The following ZNRF1 variants were observed in gnomAD, a reference collection of about 807,000 sequenced individuals.
The protein encoded by ZNRF1 is E3 ubiquitin-protein ligase ZNRF1.
A neutral mutation model predicts 18.4 loss-of-function variants in ZNRF1; 3 were observed. The ratio of observed to expected loss-of-function variants is 0.16; its 90% CI spans 0.07 to 0.42. ZNRF1 has a LOEUF of 0.42. ZNRF1 is among the 10% of genes least tolerant of loss of function. ZNRF1 has a pLI of 0.99. For synonymous variants in ZNRF1, 157 were observed against 144.2 expected (o/e 1.09, Z -0.64); for missense variants, 310 against 329.8 (o/e 0.94, Z 0.47).
At chr16:75,080,958 G>T (rs138045182) in intron 1 of ZNRF1, among the ~76,000 whole-genome samples, 446 of 152,262 alleles carry the variant, frequency 2.9e-3, no homozygotes, top group African/African-American at 0.01. Context: ...CGGATCACCA[G>T]GTCAGGAGTT....
At chr16:75,012,681 T>G (rs926172722) in intron 1 of ZNRF1, among the ~76,000 whole-genome samples, 3 of 152,220 alleles carry the variant, frequency 2.0e-5, no homozygotes, top group African/African-American at 7.2e-5. Flanking sequence ...CTTAAACTTT[T>G]CTGCCAACCT....
At chr16:75,057,158 T>C (rs910466405) in intron 1 of ZNRF1, among the ~76,000 whole-genome samples, 1 of 152,182 alleles carries the variant, frequency 6.6e-6, no homozygotes, top group Non-Finnish European at 1.5e-5. Context: ...TACCGGGGCA[T>C]CTTGGAATAC....
At chr16:75,013,380 C>G (rs1014483685) in intron 1 of ZNRF1, among the ~76,000 whole-genome samples, 1 of 151,422 alleles carries the variant, frequency 6.6e-6, no homozygotes, top group East Asian at 1.9e-4. Context: ...TGGAGTCTCA[C>G]TCTGTCGCCA....
chr16:75,106,755 A>T (rs2036320705), intron 4 of ZNRF1, 184 bp downstream of exon 4: 1 of 572,494 alleles, frequency 1.7e-6, no homozygotes, highest in Non-Finnish European at 3.1e-6. Flanking sequence ...AGGACAAGAG[A>T]TACAAACCAA....
intron 1 of ZNRF1, among the ~76,000 whole-genome samples, chr16:75,003,785 T>C (rs2034883578): frequency 6.6e-6 from 1 of 152,160 alleles, no homozygotes; most frequent in African/African-American, 2.4e-5. Context: ...TTAACCTCAG[T>C]CACAATTTAT....
chr16:75,090,144 GA>G (rs1244965301), intron 1 of ZNRF1, among the ~76,000 whole-genome samples: 2 of 152,118 alleles, frequency 1.3e-5, no homozygotes, highest in South Asian at 2.1e-4. Context: ...CTTTGGGGTT[GA>G]AAAAAACCCC....
At chr16:75,002,678 C>A (rs953178540) in intron 1 of ZNRF1, among the ~76,000 whole-genome samples, 1 of 152,190 alleles carries the variant, frequency 6.6e-6, no homozygotes, top group Non-Finnish European at 1.5e-5. Flanking sequence ...CTCTCTTGAG[C>A]CTTATCTTTG....
At position 74,999,451 on chromosome 16, in the gene ZNRF1, G is replaced by C. The variant is rs926798607; in HGVS notation, c.-221G>C. 1 of 403,438 alleles carries C rather than the reference G, an allele frequency of 2.5e-6. No individual in the cohort carries two copies. The highest frequency in any genetic ancestry group is 4.3e-6 in the Non-Finnish European group (1 of 231,180). The allele number at this position is 403,438 out of a possible 1,614,324, so 25.0% of individuals were successfully genotyped here. The stretch of plus-strand genomic sequence containing the variant: ...TTGAGGGGAAACATGCGTTTGCCTT[G>C]GATCGTTTGAAATTCTGAGTTTGGG... On this transcript the variant is annotated 5_prime_UTR_variant, in exon 1 of 5. Coordinates refer to ENST00000335325, the MANE Select transcript of ZNRF1 (RefSeq NM_032268.5).
At chr16:75,051,946 A>G (rs2035612431) in intron 1 of ZNRF1, among the ~76,000 whole-genome samples, 1 of 152,216 alleles carries the variant, frequency 6.6e-6, no homozygotes, top group Admixed American at 6.5e-5. Flanking sequence ...ACTTATCTTT[A>G]AATATTTCAA....
intron 1 of ZNRF1, among the ~76,000 whole-genome samples, chr16:75,089,720 G>A (rs769498115): frequency 6.6e-6 from 1 of 152,160 alleles, no homozygotes; most frequent in Non-Finnish European, 1.5e-5. Flanking sequence ...TGGACAGTGA[G>A]GGGATTGCTC....
intron 1 of ZNRF1, among the ~76,000 whole-genome samples, chr16:75,070,906 A>G (rs1048393355): frequency 2.6e-5 from 4 of 152,216 alleles, no homozygotes; most frequent in Admixed American, 1.3e-4. Context: ...TGAATAAACT[A>G]TGCTTTATCC....
chr16:75,036,285 A>G (rs2035374938), intron 1 of ZNRF1, among the ~76,000 whole-genome samples: 1 of 152,108 alleles, frequency 6.6e-6, no homozygotes, highest in Non-Finnish European at 1.5e-5. Context: ...GTTGCCTAGC[A>G]TGCCAGGCTA....
chr16:75,045,085 C>T (rs550673624), intron 1 of ZNRF1, among the ~76,000 whole-genome samples: 6 of 152,154 alleles, frequency 3.9e-5, no homozygotes, highest in East Asian at 1.9e-4. Context: ...CTGGTTGGAT[C>T]GTGGGTGGTG....
At chr16:75,036,457 C>T (rs1201302813) in intron 1 of ZNRF1, among the ~76,000 whole-genome samples, 2 of 152,070 alleles carry the variant, frequency 1.3e-5, no homozygotes, top group African/African-American at 2.4e-5. Context: ...TCCAGACTGA[C>T]AGTCTTTGCC....
At chr16:75,062,012 A>C (rs906730984) in intron 1 of ZNRF1, among the ~76,000 whole-genome samples, 6 of 152,226 alleles carry the variant, frequency 3.9e-5, no homozygotes, top group Non-Finnish European at 1.5e-5. Context: ...AGAAGCTTAA[A>C]ATTAGGTTAC....
At chr16:75,015,229 GATGTT>G (rs939029102) in intron 1 of ZNRF1, among the ~76,000 whole-genome samples, 106 of 152,300 alleles carry the variant, frequency 7.0e-4, no homozygotes, top group African/African-American at 2.4e-3. Flanking sequence ...AGGTCATAAA[GATGTT>G]ATGTTTTCTT....
chr16:75,037,911 G>C (rs1178216484), intron 1 of ZNRF1, among the ~76,000 whole-genome samples: 1 of 152,118 alleles, frequency 6.6e-6, no homozygotes, highest in African/African-American at 2.4e-5. Flanking sequence ...TGACAAATGT[G>C]GAAAAGTCTA....
At chr16:75,107,226 C>T (rs773937964) in intron 4 of ZNRF1, 4 of 173,744 alleles carry the variant, frequency 2.3e-5, no homozygotes, top group Non-Finnish European at 5.0e-5. Context: ...CCACTTGCTG[C>T]CAACCATCCA....
At chr16:75,029,643 C>G (rs977492272) in intron 1 of ZNRF1, among the ~76,000 whole-genome samples, 1 of 151,038 alleles carries the variant, frequency 6.6e-6, no homozygotes, top group African/African-American at 2.4e-5. Flanking sequence ...GTAGCATGTG[C>G]CTGTAGCCCC....
Sources: allele counts gnomAD v4.1 joint callset (sites outside exome capture counted in the v4.1 genomes callset), GRCh38; gene constraint gnomAD v4.1.1; transcripts MANE v1.5; gene names NCBI Gene and HGNC (gene_info 2026-07-23, HGNC 2026-07-21).